The following CDH18 variants were observed in gnomAD, a reference collection of about 807,000 sequenced individuals.
CDH18 encodes the protein cadherin-18.
In CDH18, 31 loss-of-function variants were observed where a neutral mutation model predicts 67.9. That is an observed-to-expected ratio of 0.46 (90% confidence interval 0.34 to 0.62). The LOEUF (loss-of-function observed/expected upper bound fraction) is 0.62. Among genes scored for constraint, CDH18 ranks in the 20% least tolerant of loss-of-function variants. CDH18 has a pLI of 0.01. For missense variants in CDH18, 890 were observed against 975.5 expected (o/e 0.91, Z 1.17); for synonymous variants, 362 against 347.2 (o/e 1.04, Z -0.48).
At position 20,126,750 on chromosome 5, in the gene CDH18, C is replaced by A. The variant is rs141060856; in HGVS notation, c.-518+128694G>T. 2.2e-3 allele frequency among the ~76,000 whole-genome samples: 340 copies of A among 152,006 alleles called. 1 individual carries two copies. The highest frequency in any genetic ancestry group is 7.7e-3 in the African/African-American group (318 of 41,444). On this transcript the variant is annotated intron_variant, in intron 2 of 14. Transcript: ENST00000507958. ...CACTAGTCATTGGGAAAATAAAAAT[C>A]AAAATTACAATGAAGCATCACCTCA...
At chr5:20,181,331 C>T (rs1162807451) in intron 2 of CDH18, among the ~76,000 whole-genome samples, 2 of 152,078 alleles carry the variant, frequency 1.3e-5, no homozygotes, top group Non-Finnish European at 2.9e-5. Flanking sequence ...AAAAGAACTC[C>T]TCTTGGCATC....
At chr5:19,514,022 G>T (rs1237643416) in intron 10 of CDH18, among the ~76,000 whole-genome samples, 2 of 152,006 alleles carry the variant, frequency 1.3e-5, no homozygotes, top group African/African-American at 2.4e-5. Context: ...ACAGGCCCCA[G>T]CGTGTGATGT....
At chr5:19,811,142 GAAAGAAAGAA>G (rs1471272132) in intron 3 of CDH18, among the ~76,000 whole-genome samples, 13 of 96,836 alleles carry the variant, frequency 1.3e-4, no homozygotes, top group Admixed American at 4.3e-4. Flanking sequence ...AAGAAAGAAA[GAAAGAAAGAA>G]AGAAAGAAGG....
chr5:19,693,359 AT>A (rs896413330), intron 5 of CDH18, among the ~76,000 whole-genome samples: 13 of 152,304 alleles, frequency 8.5e-5, no homozygotes, highest in African/African-American at 3.1e-4. Context: ...AAATCAACTT[AT>A]TTTTTTGAAG....
intron 1 of CDH18, among the ~76,000 whole-genome samples, chr5:20,448,689 G>A (rs550170415): frequency 1.3e-5 from 2 of 152,122 alleles, no homozygotes; most frequent in East Asian, 1.9e-4. Flanking sequence ...TTACAGACAC[G>A]CTTACAGCTG....
intron 2 of CDH18, among the ~76,000 whole-genome samples, chr5:20,041,748 A>C (rs1740436530): frequency 6.6e-6 from 1 of 152,218 alleles, no homozygotes; most frequent in African/African-American, 2.4e-5. Context: ...ACTGCTAGCT[A>C]GCAGAATGCT....
intron 6 of CDH18, among the ~76,000 whole-genome samples, chr5:19,594,693 CCTTT>C (rs1745881952): frequency 6.6e-6 from 1 of 152,046 alleles, no homozygotes; most frequent in South Asian, 2.1e-4. Flanking sequence ...TTCTTCAGGG[CCTTT>C]GTCTTTCCAC....
intron 1 of CDH18, among the ~76,000 whole-genome samples, chr5:20,367,450 AG>A (rs780712783): frequency 1.3e-5 from 2 of 152,188 alleles, no homozygotes; most frequent in African/African-American, 2.4e-5. Flanking sequence ...CTTATGCCAA[AG>A]GAGGCGGGTT....
intron 3 of CDH18, among the ~76,000 whole-genome samples, chr5:19,748,026 T>C (rs1770284644): frequency 7.2e-6 from 1 of 139,340 alleles, no homozygotes; most frequent in Non-Finnish European, 1.5e-5. Flanking sequence ...GGCAGGAAAA[T>C]GGCGTGAACC....
At chr5:19,947,714 G>C (rs1795412116) in intron 2 of CDH18, among the ~76,000 whole-genome samples, 1 of 151,302 alleles carries the variant, frequency 6.6e-6, no homozygotes, top group Non-Finnish European at 1.5e-5. Flanking sequence ...AGTGAGCTGT[G>C]ATGGCGCCAC....
At chr5:19,916,472 A>G (rs1791806109) in intron 2 of CDH18, among the ~76,000 whole-genome samples, 1 of 152,098 alleles carries the variant, frequency 6.6e-6, no homozygotes, top group Non-Finnish European at 1.5e-5. Context: ...TCACACCAAA[A>G]GCCAACTTCA....
At chr5:19,567,438 C>T (rs563082312) in intron 8 of CDH18, among the ~76,000 whole-genome samples, 10 of 152,248 alleles carry the variant, frequency 6.6e-5, no homozygotes, top group Admixed American at 4.6e-4. Flanking sequence ...CCTTTCATTA[C>T]CAATTCTACA....
chr5:20,452,560 A>G (rs1750531715), intron 1 of CDH18, among the ~76,000 whole-genome samples: 1 of 152,240 alleles, frequency 6.6e-6, no homozygotes, highest in East Asian at 1.9e-4. Context: ...AAATAACAAT[A>G]CAACATGGAC....
chr5:19,780,136 C>T (rs1031195863), intron 3 of CDH18, among the ~76,000 whole-genome samples: 3 of 152,094 alleles, frequency 2.0e-5, no homozygotes, highest in African/African-American at 4.8e-5. Flanking sequence ...GCTCCATCCA[C>T]AGAAGAGTGC....
intron 5 of CDH18, among the ~76,000 whole-genome samples, chr5:19,654,525 C>T (rs147992708): frequency 2.0e-4 from 30 of 152,218 alleles, no homozygotes; most frequent in Non-Finnish European, 2.4e-4. Context: ...CGCAGACAGG[C>T]GGGTTTAAGA....
chr5:19,732,699 G>A (rs890102864), intron 4 of CDH18, among the ~76,000 whole-genome samples: 1 of 151,986 alleles, frequency 6.6e-6, no homozygotes, highest in African/African-American at 2.4e-5. Context: ...TCCCACCTAA[G>A]ATTTAATTTG....
chr5:19,954,081 A>C, intron 2 of CDH18, among the ~76,000 whole-genome samples: 1 of 151,998 alleles, frequency 6.6e-6, no homozygotes, highest in East Asian at 1.9e-4. Context: ...TCATTTCAGG[A>C]CCTATTATAT....
intron 2 of CDH18, among the ~76,000 whole-genome samples, chr5:20,137,860 T>A (rs1749872885): frequency 6.6e-6 from 1 of 152,014 alleles, no homozygotes; most frequent in South Asian, 2.1e-4. Context: ...ATCATATGGA[T>A]TCACAGCCGA....
chr5:20,172,584 G>A (rs929409135), intron 2 of CDH18, among the ~76,000 whole-genome samples: 11 of 151,670 alleles, frequency 7.3e-5, no homozygotes, highest in African/African-American at 2.7e-4. Flanking sequence ...TGCTCAACTT[G>A]CCACTGTTTA....
Sources: gnomAD v4.1 joint callset for allele counts (sites outside exome capture counted in the v4.1 genomes callset) on GRCh38, gnomAD v4.1.1 for gene constraint, MANE v1.5 for transcripts, NCBI Gene and HGNC (gene_info 2026-07-23, HGNC 2026-07-21) for gene names.